SORCS3: variants seen among roughly 807,000 people sequenced by gnomAD.
SORCS3 encodes the protein sortilin related VPS10 domain containing receptor 3.
SORCS3 carries 57 observed loss-of-function variants against 146.3 expected under a neutral mutation model. The ratio of observed to expected loss-of-function variants is 0.39; its 90% CI spans 0.31 to 0.49. The LOEUF (loss-of-function observed/expected upper bound fraction) is 0.49, where lower values mean the gene tolerates loss of function less well. Ranked by LOEUF, SORCS3 falls within the 20% of genes least tolerant of loss-of-function variation. The probability of loss-of-function intolerance (pLI) is 0.92; values close to 1 mark genes in which losing one functional copy is unlikely to be tolerated. For missense variants in SORCS3, 1,341 were observed against 1,575.5 expected, an observed-to-expected ratio of 0.85 and a Z score of 2.52; for synonymous variants, 653 against 618.5, an observed-to-expected ratio of 1.06 and a Z score of -0.83.
rs184636570 is a variant in SORCS3 at position 105,204,533 on chromosome 10, C to T, written c.2261+3280C>T. ...TAGAATCATAATAGGTGTATGGTCT[C>T]CAAAAATATTTTATAGAATTTTTTT... On this transcript the variant is annotated intron_variant, in intron 16 of 26. Coordinates refer to ENST00000369701, the MANE Select transcript of SORCS3 (RefSeq NM_014978.3). Among the ~76,000 whole-genome samples the T allele has an allele frequency of 2.3e-3, 342 of 151,978 alleles. 2 individuals carry two copies. Among genetic ancestry groups the T allele is most frequent in the African/African-American group, 7.8e-3 (322 of 41,448 alleles).
intron 1 of SORCS3, among the ~76,000 whole-genome samples, chr10:104,758,865 C>T (rs1307603691): frequency 1.3e-5 from 2 of 152,114 alleles, no homozygotes; most frequent in Admixed American, 6.5e-5. Flanking sequence ...CTGAGTTGAC[C>T]CAGACATGAC....
intron 1 of SORCS3, 68 bp downstream of exon 1, chr10:104,642,022 G>GGGGGGGGGGGGGCCCCCCCC: frequency 5.8e-6 from 1 of 173,336 alleles, no homozygotes; most frequent in Non-Finnish European, 1.1e-5. Flanking sequence ...GGGTGGGTGG[G>GGGGGGGGGGGGGCCCCCCCC]AGCGAGGGAC....
At chr10:104,980,114 C>G (rs1482907138) in intron 4 of SORCS3, among the ~76,000 whole-genome samples, 1 of 152,214 alleles carries the variant, frequency 6.6e-6, no homozygotes, top group Non-Finnish European at 1.5e-5. Flanking sequence ...AAAATACTTT[C>G]AGACTTGGTG....
At chr10:104,951,528 G>A (rs7083880) in intron 3 of SORCS3, among the ~76,000 whole-genome samples, 20,341 of 151,810 alleles carry the variant, frequency 0.13, 2,295 homozygotes, top group African/African-American at 0.32. Context: ...TTTGTTTTTA[G>A]AGATGAGGGT....
intron 2 of SORCS3, among the ~76,000 whole-genome samples, chr10:104,850,996 C>T (rs772493843): frequency 6.6e-6 from 1 of 152,140 alleles, no homozygotes; most frequent in Non-Finnish European, 1.5e-5. Context: ...AGACATTAGC[C>T]AGAACACCTG....
At chr10:105,153,559 G>A (rs2056182815) in intron 9 of SORCS3, among the ~76,000 whole-genome samples, 2 of 152,112 alleles carry the variant, frequency 1.3e-5, no homozygotes, top group Non-Finnish European at 2.9e-5. Context: ...CACCAGCAAG[G>A]TATGAGAGTA....
intron 4 of SORCS3, among the ~76,000 whole-genome samples, chr10:104,993,808 T>C (rs2133665346): frequency 6.6e-6 from 1 of 152,336 alleles, no homozygotes; most frequent in South Asian, 2.1e-4. Context: ...GGGAAAAAGC[T>C]CATTTAATCT....
intron 1 of SORCS3, among the ~76,000 whole-genome samples, chr10:104,825,435 G>A (rs1043181944): frequency 6.6e-6 from 1 of 152,168 alleles, no homozygotes; most frequent in African/African-American, 2.4e-5. Flanking sequence ...TTTTCTCAAA[G>A]AAACAGATCA....
chr10:105,179,939 C>T (rs570848753), intron 14 of SORCS3, among the ~76,000 whole-genome samples: 1 of 152,154 alleles, frequency 6.6e-6, no homozygotes, highest in African/African-American at 2.4e-5. Context: ...GTATCCTTCC[C>T]CTTACTGTTA....
At chr10:105,135,058 C>T (rs1416427997) in intron 7 of SORCS3, among the ~76,000 whole-genome samples, 2 of 151,928 alleles carry the variant, frequency 1.3e-5, no homozygotes, top group Middle Eastern at 3.2e-3. Context: ...TAACAAGTCT[C>T]GGTGAAGTCC....
chr10:105,231,776 C>A (rs1403077368), intron 20 of SORCS3, among the ~76,000 whole-genome samples: 1 of 151,964 alleles, frequency 6.6e-6, no homozygotes, highest in Non-Finnish European at 1.5e-5. Flanking sequence ...TGATCATGTT[C>A]TTTTTTCTTT....
At chr10:104,821,131 A>G (rs573116313) in intron 1 of SORCS3, among the ~76,000 whole-genome samples, 31 of 152,316 alleles carry the variant, frequency 2.0e-4, no homozygotes, top group Non-Finnish European at 3.4e-4. Flanking sequence ...TTCGGGTTCC[A>G]CACTGTGTAC....
At chr10:104,852,267 T>C (rs770431030) in intron 2 of SORCS3, among the ~76,000 whole-genome samples, 3 of 152,220 alleles carry the variant, frequency 2.0e-5, no homozygotes, top group Non-Finnish European at 4.4e-5. Flanking sequence ...TGATTTCAGA[T>C]CTGGGACCCC....
intron 1 of SORCS3, among the ~76,000 whole-genome samples, chr10:104,755,399 G>A (rs2017038924): frequency 6.6e-6 from 1 of 152,172 alleles, no homozygotes; most frequent in African/African-American, 2.4e-5. Flanking sequence ...TTCTTGAGAA[G>A]AGAACTTGGG....
chr10:105,160,493 G>C (rs1238766782), intron 11 of SORCS3, among the ~76,000 whole-genome samples: 1 of 152,038 alleles, frequency 6.6e-6, no homozygotes, highest in Admixed American at 6.5e-5. Flanking sequence ...CAGGTGTGGT[G>C]GTGCATGCCT....
chr10:105,211,766 C>A (rs7894221), intron 17 of SORCS3, among the ~76,000 whole-genome samples: 2 of 152,068 alleles, frequency 1.3e-5, no homozygotes, highest in African/African-American at 2.4e-5. Context: ...GTTACTCTTT[C>A]GCATGCTTGA....
intron 1 of SORCS3, among the ~76,000 whole-genome samples, chr10:104,778,061 G>A (rs1292125662): frequency 6.6e-6 from 1 of 152,098 alleles, no homozygotes. Context: ...GTACAACAGG[G>A]AAATTATAGT....
intron 7 of SORCS3, among the ~76,000 whole-genome samples, chr10:105,124,575 A>T (rs909561505): frequency 6.6e-6 from 1 of 152,184 alleles, no homozygotes; most frequent in Non-Finnish European, 1.5e-5. Context: ...ACTGCAAGCA[A>T]ACATCTGTTA....
At chr10:105,066,931 G>A (rs192173214) in intron 5 of SORCS3, among the ~76,000 whole-genome samples, 2 of 152,130 alleles carry the variant, frequency 1.3e-5, no homozygotes, top group African/African-American at 4.8e-5. Context: ...GCCCTCCAGA[G>A]TTCTTGCTCT....
Sources: allele counts gnomAD v4.1 joint callset (sites outside exome capture counted in the v4.1 genomes callset), GRCh38; gene constraint gnomAD v4.1.1; transcripts MANE v1.5; gene names NCBI Gene and HGNC (gene_info 2026-07-23, HGNC 2026-07-21).